RTN1: variants seen among roughly 807,000 people sequenced by gnomAD.
RTN1 encodes reticulon 1.
A neutral mutation model predicts 65.5 loss-of-function variants in RTN1; 25 were observed. That is an observed-to-expected ratio of 0.38 (90% CI 0.28 to 0.53). The LOEUF (loss-of-function observed/expected upper bound fraction) is 0.53, where lower values mean the gene tolerates loss of function less well. Among genes scored for constraint, RTN1 ranks in the 20% least tolerant of loss-of-function variants. The pLI is 0.79. For synonymous variants in RTN1, 471 were observed against 447.6 expected (o/e 1.05, Z -0.66); for missense variants, 983 against 1,025.4 (o/e 0.96, Z 0.57).
intron 3 of RTN1, among the ~76,000 whole-genome samples, chr14:59,716,028 C>G (rs1033175584): frequency 6.6e-6 from 1 of 152,162 alleles, no homozygotes; most frequent in Non-Finnish European, 1.5e-5. Flanking sequence ...AAAATAATTA[C>G]ATGCTTTCCA....
intron 2 of RTN1, among the ~76,000 whole-genome samples, chr14:59,745,109 T>C (rs2139506890): frequency 6.6e-6 from 1 of 152,310 alleles, no homozygotes; most frequent in African/African-American, 2.4e-5. Context: ...TAAGAGAGAC[T>C]TGAGCATAGC....
chr14:59,731,580 T>C (rs1884897841), intron 2 of RTN1, among the ~76,000 whole-genome samples: 1 of 152,198 alleles, frequency 6.6e-6, no homozygotes, highest in Non-Finnish European at 1.5e-5. Context: ...GTAATGCTTT[T>C]ATTATGTTAA....
intron 3 of RTN1, among the ~76,000 whole-genome samples, chr14:59,669,798 A>C (rs1883463595): frequency 6.6e-6 from 1 of 152,042 alleles, no homozygotes; most frequent in African/African-American, 2.4e-5. Flanking sequence ...CACACTGCCG[A>C]TGAGTGGATT....
chr14:59,603,767 A>G, intron 6 of RTN1, 85 bp downstream of exon 6: 1 of 1,065,278 alleles, frequency 9.4e-7, no homozygotes, highest in Non-Finnish European at 1.4e-6. Flanking sequence ...GAATCTCTTT[A>G]AACAAACAAA....
At chr14:59,611,809 A>G (rs1881959921) in intron 3 of RTN1, among the ~76,000 whole-genome samples, 1 of 152,160 alleles carries the variant, frequency 6.6e-6, no homozygotes, top group South Asian at 2.1e-4. Flanking sequence ...TAGGGATCTA[A>G]TTTGGAAGGC....
At chr14:59,756,843 T>TG (rs1555359253) in intron 1 of RTN1, among the ~76,000 whole-genome samples, 1 of 136,288 alleles carries the variant, frequency 7.3e-6, no homozygotes, top group Non-Finnish European at 1.5e-5. Flanking sequence ...TTTTTTTTGT[T>TG]TTTTTTTTTT....
intron 3 of RTN1, among the ~76,000 whole-genome samples, chr14:59,610,860 T>A (rs575116774): frequency 6.6e-6 from 1 of 152,320 alleles, no homozygotes; most frequent in East Asian, 1.9e-4. Flanking sequence ...GACCCTGCAC[T>A]TGATGAATAA....
At position 59,746,084 on chromosome 14, in the gene RTN1, G is replaced by C. The variant is rs35699516; in HGVS notation, c.639C>G (p.Pro213=). Residue 213 remains proline, a synonymous_variant, in exon 2 of 9, where the codon CCC becomes CCG. Coordinates refer to ENST00000267484, the MANE Select transcript of RTN1 (RefSeq NM_021136.3). ...AGTCCAAGTCTTTATCTTCCAGCTC[G>C]GGGTGATGTTGTTCTTGGTGCTTCA... ...EEVKHQEQHH[P]ELEDKDLDFK... 1 of 1,613,908 alleles carries C rather than the reference G, an allele frequency of 6.2e-7. No individual in the cohort carries two copies. Among genetic ancestry groups the C allele is most frequent in the Non-Finnish European group, 8.5e-7 (1 of 1,179,966 alleles).
intron 2 of RTN1, among the ~76,000 whole-genome samples, chr14:59,743,938 C>T (rs1885164086): frequency 6.6e-6 from 1 of 152,144 alleles, no homozygotes; most frequent in African/African-American, 2.4e-5. Flanking sequence ...AGTCGTGCCT[C>T]ATAGAGTACC....
intron 3 of RTN1, among the ~76,000 whole-genome samples, chr14:59,649,490 A>C (rs139812765): frequency 0.073 from 11,038 of 152,242 alleles, 532 homozygotes; most frequent in Non-Finnish European, 0.11. Context: ...AATGGGAGAA[A>C]ATTTTTGCAA....
Position 59,870,404 on chromosome 14 carries a change from T to C in RTN1, c.227A>G (p.Glu76Gly). 1 of 1,525,932 alleles carries C rather than the reference T, an allele frequency of 6.6e-7. No homozygotes were observed. Among genetic ancestry groups the C allele is most frequent in the Non-Finnish European group, 8.7e-7 (1 of 1,148,838 alleles). 94.5% of individuals were successfully genotyped at this position (1,525,932 alleles called of 1,614,324 possible). Residue 76 changes from glutamate to glycine, a missense_variant, in exon 1 of 9, where the codon GAA becomes GGA. By Grantham distance (98) the Glu-to-Gly change is moderately conservative (BLOSUM62 -2). Around this residue, in one of 2 missense-constraint regions of RTN1, gnomAD observed 818 missense variants for 801.8 expected, o/e 1.02. Coordinates refer to ENST00000267484, the MANE Select transcript of RTN1 (RefSeq NM_021136.3). This position sits in a 1 kb window ranked among gnomAD's most constrained non-coding sequence, Gnocchi z 5.1. ...GCCCGCCTTACCTGTGGATGCAGTTTCCATGGCAACGGGCGACTGCCGGGC... is the reference window on the plus strand; with the variant it reads ...GCCCGCCTTACCTGTGGATGCAGTTCCCATGGCAACGGGCGACTGCCGGGC... ...GPARQSPVAM[E>G]TASTGVAGVS...
chr14:59,840,980 T>G (rs959952522), intron 1 of RTN1, among the ~76,000 whole-genome samples: 1 of 152,218 alleles, frequency 6.6e-6, no homozygotes, highest in African/African-American at 2.4e-5. Context: ...ATTCTTCAAG[T>G]GGCATCTTTG....
chr14:59,706,694 C>A (rs894310962), intron 3 of RTN1, among the ~76,000 whole-genome samples: 3 of 152,164 alleles, frequency 2.0e-5, no homozygotes, highest in Admixed American at 1.3e-4. Flanking sequence ...ATTACCTGAC[C>A]TCAGAATCTC....
chr14:59,693,421 T>C (rs1445987603), intron 3 of RTN1, among the ~76,000 whole-genome samples: 1 of 152,102 alleles, frequency 6.6e-6, no homozygotes, highest in Non-Finnish European at 1.5e-5. Flanking sequence ...AGATATTTAG[T>C]GGTAACTTCT....
chr14:59,865,913 G>T (rs1594773031), intron 1 of RTN1, among the ~76,000 whole-genome samples: 1 of 152,154 alleles, frequency 6.6e-6, no homozygotes, highest in Non-Finnish European at 1.5e-5. Flanking sequence ...ATAGATGATA[G>T]AAATAAAGGG....
intron 3 of RTN1, among the ~76,000 whole-genome samples, chr14:59,678,592 G>T (rs1246970100): frequency 6.6e-6 from 1 of 152,184 alleles, no homozygotes; most frequent in East Asian, 1.9e-4. Flanking sequence ...CTGAGGTCCA[G>T]CGTGGGCCAC....
At chr14:59,819,614 T>C (rs1878671816) in intron 1 of RTN1, among the ~76,000 whole-genome samples, 1 of 151,880 alleles carries the variant, frequency 6.6e-6, no homozygotes, top group Non-Finnish European at 1.5e-5. Context: ...TGTCAGCCCT[T>C]GGGCGGTCGA....
chr14:59,769,690 A>G (rs1168672915), intron 1 of RTN1, among the ~76,000 whole-genome samples: 1 of 152,220 alleles, frequency 6.6e-6, no homozygotes, highest in Non-Finnish European at 1.5e-5. Flanking sequence ...TTATCACGTA[A>G]CAGTCTACCC....
chr14:59,624,304 A>C (rs1374970450), intron 3 of RTN1, among the ~76,000 whole-genome samples: 1 of 152,182 alleles, frequency 6.6e-6, no homozygotes, highest in Non-Finnish European at 1.5e-5. Context: ...TAAGTTTGGA[A>C]TATAATTTTA....
Sources: allele counts gnomAD v4.1 joint callset (sites outside exome capture counted in the v4.1 genomes callset), GRCh38; gene constraint gnomAD v4.1.1; regional missense constraint gnomAD v4.1.1; non-coding constraint Gnocchi (gnomAD v3.1); transcripts MANE v1.5; gene names NCBI Gene and HGNC (gene_info 2026-07-23, HGNC 2026-07-21).